The following SESTD1 variants were observed in gnomAD, a reference collection of about 807,000 sequenced individuals.
SESTD1 encodes the protein SEC14 and spectrin domain containing 1.
Under a neutral mutation model 101.7 loss-of-function variants are expected in SESTD1, and 43 were observed. The ratio of observed to expected loss-of-function variants is 0.42; its 90% CI spans 0.33 to 0.55. SESTD1 has a LOEUF of 0.55. SESTD1 is among the 20% of genes least tolerant of loss of function. The probability of loss-of-function intolerance (pLI) is 0.07; values close to 1 mark genes in which losing one functional copy is unlikely to be tolerated. For synonymous variants in SESTD1, 283 were observed against 286.8 expected (o/e 0.99, Z 0.13); for missense variants, 647 against 815.1 (o/e 0.79, Z 2.51).
intron 1 of SESTD1, among the ~76,000 whole-genome samples, chr2:179,236,082 A>G (rs754998133): frequency 7.9e-5 from 12 of 152,066 alleles, no homozygotes; most frequent in Non-Finnish European, 1.3e-4. Context: ...TATGATTATC[A>G]TTCATCATTA....
At position 179,256,163 on chromosome 2, in the gene SESTD1, A is replaced by G. The variant is rs147199747; in HGVS notation, c.-26+8336T>C. ...AAAGTCATTCTGTAGCCCACAGATC[A>G]AGGAGTAAGTTTGACTTTCAAGTCT... is the stretch of plus-strand genomic sequence containing the variant. On this transcript the variant is annotated intron_variant, in intron 1 of 17. Coordinates refer to ENST00000428443, the MANE Select transcript of SESTD1 (RefSeq NM_178123.5). Among the ~76,000 whole-genome samples the G allele has an allele frequency of 3.2e-4, 49 of 152,378 alleles. No homozygotes were observed. The East Asian group carries it at 7.3e-3, about 23-fold the overall frequency.
In SESTD1 at chr2:179,146,907, GTGTGTGT is replaced by G. The variant is rs1559113147; in HGVS notation, c.582-457_582-451del. On this transcript the variant is annotated intron_variant, in intron 7 of 17. Transcript: ENST00000428443. ...ATATTCTGTCTTATATTCCAGGGGT[GTGTGTGT>G]GTGTGTGTGTGTGTGTGTGTGTGTG... 2.9e-4 allele frequency among the ~76,000 whole-genome samples: 14 copies of G among 47,894 alleles called. No homozygotes were observed. In the African/African-American group the frequency reaches 7.5e-3, roughly 26 times the overall value. 31.4% of individuals were successfully genotyped at this position (47,894 alleles called of 152,430 possible). A position where few individuals can be genotyped will look rare whatever the true frequency, so the allele number is the denominator to read the frequency against.
In SESTD1 at chr2:179,103,742, G is replaced by C. The variant is rs747265233; in HGVS notation, c.*6157C>G. On this transcript the variant is annotated 3_prime_UTR_variant, in exon 18 of 18. Coordinates refer to ENST00000428443, the MANE Select transcript of SESTD1 (RefSeq NM_178123.5). ...AGTGGTTGCCTTTGAGGGTCAAGTA[G>C]GGACAGGAATTGACTGGAAAGGGCA... is the stretch of plus-strand genomic sequence containing the variant. 1 of 152,126 alleles carries C rather than the reference G, an allele frequency of 6.6e-6. No individual in the cohort carries two copies. The highest frequency in any genetic ancestry group is 1.5e-5 in the Non-Finnish European group (1 of 68,012). 9.4% of individuals were successfully genotyped at this position (152,126 alleles called of 1,614,324 possible). A position where few individuals can be genotyped will look rare whatever the true frequency, so the allele number is the denominator to read the frequency against.
At chr2:179,126,139 TA>T (rs1172075243) in intron 10 of SESTD1, among the ~76,000 whole-genome samples, 3 of 152,290 alleles carry the variant, frequency 2.0e-5, no homozygotes, top group South Asian at 2.1e-4. Context: ...AAACCTCAGT[TA>T]AAAAAAATTT....
At chr2:179,181,010 C>T (rs868162234) in intron 3 of SESTD1, among the ~76,000 whole-genome samples, 1 of 152,128 alleles carries the variant, frequency 6.6e-6, no homozygotes, top group Non-Finnish European at 1.5e-5. Context: ...TTTTGCCTTG[C>T]TAGAATGAGT....
At chr2:179,193,650 CACA>C (rs1479107540) in intron 1 of SESTD1, among the ~76,000 whole-genome samples, 1 of 152,170 alleles carries the variant, frequency 6.6e-6, no homozygotes, top group Non-Finnish European at 1.5e-5. Flanking sequence ...TCTTAGTCTT[CACA>C]ACATTTCTAC....
intron 5 of SESTD1, among the ~76,000 whole-genome samples, chr2:179,156,089 G>A (rs373588180): frequency 1.4e-3 from 211 of 151,830 alleles, no homozygotes; most frequent in African/African-American, 5.0e-3. Context: ...TTATGGCTGA[G>A]TAGTATTCCA....
chr2:179,130,800 C>CT (rs1189867862), intron 10 of SESTD1, among the ~76,000 whole-genome samples: 4 of 151,766 alleles, frequency 2.6e-5, no homozygotes, highest in African/African-American at 9.7e-5. Flanking sequence ...ATTGTAGACT[C>CT]TAACTATAGT....
intron 1 of SESTD1, among the ~76,000 whole-genome samples, chr2:179,236,323 TA>T (rs552456681): frequency 0.079 from 5,256 of 66,718 alleles, 191 homozygotes; most frequent in African/African-American, 0.16. Context: ...CCTCATCTCT[TA>T]AAAAAAAAAA....
At chr2:179,159,550 A>G (rs1028699130) in intron 5 of SESTD1, among the ~76,000 whole-genome samples, 5 of 152,236 alleles carry the variant, frequency 3.3e-5, no homozygotes, top group African/African-American at 9.6e-5. Flanking sequence ...ATGTTTGAAA[A>G]GCAAAAACTC....
chr2:179,211,330 A>G (rs2046648508), intron 1 of SESTD1, among the ~76,000 whole-genome samples: 1 of 133,026 alleles, frequency 7.5e-6, no homozygotes, highest in African/African-American at 3.0e-5. Context: ...ATATGGAACA[A>G]CAAAAAAAAG....
intron 1 of SESTD1, among the ~76,000 whole-genome samples, chr2:179,227,778 G>A (rs923134280): frequency 2.6e-5 from 4 of 152,064 alleles, no homozygotes; most frequent in African/African-American, 7.2e-5. Flanking sequence ...AAATTTTGGG[G>A]GGAAAATGAG....
Position 179,112,727 on chromosome 2 carries a change from T to C in SESTD1, c.1958A>G (p.Asp653Gly). 6.2e-7 allele frequency: 1 copy of C among 1,609,674 alleles called. No individual in the cohort carries two copies. The highest frequency in any genetic ancestry group is 8.5e-7 in the Non-Finnish European group (1 of 1,179,250). ...ATTATAAGAACATGCCCCATACCCA[T>C]CAGGATAAACTACTGGAACAGTTAA... Reference protein sequence around the residue: ...DRLTVPVVYPDGTEQYFGSPS... With the variant: ...DRLTVPVVYPGGTEQYFGSPS... Residue 653 changes from aspartate to glycine, a missense_variant, in exon 17 of 18, where the codon GAT becomes GGT. Asp to Gly is a moderately conservative substitution (Grantham distance 94, BLOSUM62 -1). This residue lies in a region of SESTD1 where 476 missense variants were observed against 562.6 expected (regional missense o/e 0.85). Coordinates refer to ENST00000428443, the MANE Select transcript of SESTD1 (RefSeq NM_178123.5).
chr2:179,198,651 T>G (rs1012378784), intron 1 of SESTD1, among the ~76,000 whole-genome samples: 2 of 151,564 alleles, frequency 1.3e-5, no homozygotes, highest in African/African-American at 4.9e-5. Flanking sequence ...ATTAAGAATC[T>G]CACTCAAAAC....
chr2:179,245,570 T>TGG lies in SESTD1; in HGVS notation c.-26+18927_-26+18928dup, dbSNP rs1262327420. Among the ~76,000 whole-genome samples the TGG allele has an allele frequency of 2.1e-5, 3 of 140,684 alleles. No individual in the cohort carries two copies. The Admixed American group carries it at 2.1e-4, about 10-fold the overall frequency. 92.3% of individuals were successfully genotyped at this position (140,684 alleles called of 152,430 possible). Reference sequence around the variant, plus strand: ...AGCCAGATATGGTGGCACACACCTATGGTCCTAGCTACTTAGGGGGAGCTG... The same window carrying TGG: ...AGCCAGATATGGTGGCACACACCTATGGGGTCCTAGCTACTTAGGGGGAGCTG... On this transcript the variant is annotated intron_variant, in intron 1 of 17. Transcript: ENST00000428443.
chr2:179,217,966 A>G (rs2046749864), intron 1 of SESTD1, among the ~76,000 whole-genome samples: 1 of 146,080 alleles, frequency 6.8e-6, no homozygotes, highest in Non-Finnish European at 1.5e-5. Flanking sequence ...AACGTCACAC[A>G]CTGGGGCCTG....
At chr2:179,168,384 T>C (rs1044439311) in intron 5 of SESTD1, among the ~76,000 whole-genome samples, 1 of 152,232 alleles carries the variant, frequency 6.6e-6, no homozygotes, top group African/African-American at 2.4e-5. Flanking sequence ...AGTAAGGCTT[T>C]TGGTCAATAG....
intron 1 of SESTD1, among the ~76,000 whole-genome samples, chr2:179,237,484 A>G (rs1342695257): frequency 6.6e-6 from 1 of 152,180 alleles, no homozygotes; most frequent in African/African-American, 2.4e-5. Flanking sequence ...TGTGCTTTAC[A>G]AAGTCAGGCA....
chr2:179,264,277 G>A (rs1348164608), intron 1 of SESTD1: 1 of 152,186 alleles, frequency 6.6e-6, no homozygotes, highest in African/African-American at 2.4e-5. Flanking sequence ...TTTGTCTGTG[G>A]CGGCAAGGCG....
Sources: allele counts gnomAD v4.1 joint callset (sites outside exome capture counted in the v4.1 genomes callset), GRCh38; gene constraint gnomAD v4.1.1; regional missense constraint gnomAD v4.1.1; transcripts MANE v1.5; gene names NCBI Gene and HGNC (gene_info 2026-07-23, HGNC 2026-07-21).